RCAN2: variants seen among roughly 807,000 people sequenced by gnomAD.
The protein encoded by RCAN2 is calcipressin-2.
A neutral mutation model predicts 23.6 loss-of-function variants in RCAN2; 9 were observed. That is an observed-to-expected ratio of 0.38 (90% CI 0.23 to 0.67). RCAN2 has a LOEUF of 0.67. Among genes scored for constraint, RCAN2 ranks in the 30% least tolerant of loss-of-function variants. RCAN2 has a pLI of 0.51. For missense variants in RCAN2, 273 were observed against 302.3 expected, an observed-to-expected ratio of 0.90 and a Z score of 0.72; for synonymous variants, 109 against 115.7, an observed-to-expected ratio of 0.94 and a Z score of 0.37.
chr6:46,416,150 T>C (rs1366079017), intron 2 of RCAN2, among the ~76,000 whole-genome samples: 1 of 152,074 alleles, frequency 6.6e-6, no homozygotes, highest in Admixed American at 6.6e-5. Context: ...TAACTGTATA[T>C]GAATTATCTC....
intron 1 of RCAN2, among the ~76,000 whole-genome samples, chr6:46,469,386 A>C (rs1768488901): frequency 6.6e-6 from 1 of 152,248 alleles, no homozygotes; most frequent in Non-Finnish European, 1.5e-5. Flanking sequence ...AATTGGGACC[A>C]GTTCACCACA....
intron 3 of RCAN2, among the ~76,000 whole-genome samples, chr6:46,248,326 T>G (rs947522833): frequency 2.6e-5 from 4 of 152,224 alleles, no homozygotes; most frequent in Non-Finnish European, 5.9e-5. Context: ...ATAACCCTGA[T>G]AGGAAGGTTA....
rs9472734 is a variant in RCAN2 at position 46,295,348 on chromosome 6, G to A, written c.226-46452C>T. 3.0e-3 allele frequency among the ~76,000 whole-genome samples: 461 copies of A among 152,266 alleles called. 2 individuals carry two copies. Among genetic ancestry groups the A allele is most frequent in the African/African-American group, 0.01 (432 of 41,560 alleles). ...AAGCCACTTTGGTAGGAGAGACATA[G>A]AGATGAGCTGATGGCTCAGGACAGA... On this transcript the variant is annotated intron_variant, in intron 2 of 4. Coordinates refer to ENST00000371374, the MANE Select transcript of RCAN2 (RefSeq NM_001251974.2).
intron 2 of RCAN2, among the ~76,000 whole-genome samples, chr6:46,330,059 T>A (rs1763916321): frequency 6.6e-6 from 1 of 152,214 alleles, no homozygotes; most frequent in African/African-American, 2.4e-5. Flanking sequence ...ATCTGTTTTT[T>A]AAATGTTTAT....
intron 2 of RCAN2, among the ~76,000 whole-genome samples, chr6:46,420,301 C>T (rs1654513382): frequency 6.6e-6 from 1 of 152,004 alleles, no homozygotes; most frequent in South Asian, 2.1e-4. Flanking sequence ...CTACCGTGTG[C>T]AAGAGTCTTG....
At chr6:46,355,578 C>T (rs1224117066) in intron 2 of RCAN2, among the ~76,000 whole-genome samples, 1 of 152,214 alleles carries the variant, frequency 6.6e-6, no homozygotes, top group South Asian at 2.1e-4. Flanking sequence ...GCTTAAAATG[C>T]TTTGAAAAAC....
chr6:46,416,123 C>A (rs1185050901), intron 2 of RCAN2, among the ~76,000 whole-genome samples: 1 of 151,920 alleles, frequency 6.6e-6, no homozygotes, highest in East Asian at 1.9e-4. Context: ...GATTCAGAAC[C>A]CATGGATACT....
intron 4 of RCAN2, among the ~76,000 whole-genome samples, chr6:46,229,314 C>T (rs1249671010): frequency 6.6e-6 from 1 of 152,138 alleles, no homozygotes; most frequent in Non-Finnish European, 1.5e-5. Context: ...TGAATGTTGG[C>T]CTGACTTGCT....
chr6:46,307,050 C>A (rs1049940057), intron 2 of RCAN2, among the ~76,000 whole-genome samples: 1 of 152,090 alleles, frequency 6.6e-6, no homozygotes, highest in Non-Finnish European at 1.5e-5. Context: ...CCTCAAATGG[C>A]AATTTCTGTT....
intron 2 of RCAN2, among the ~76,000 whole-genome samples, chr6:46,437,507 A>T (rs1265216988): frequency 6.6e-6 from 1 of 152,188 alleles, no homozygotes; most frequent in Non-Finnish European, 1.5e-5. Flanking sequence ...AGTGCAGATA[A>T]TAAGGAAACT....
At chr6:46,352,861 T>G (rs1764705265) in intron 2 of RCAN2, among the ~76,000 whole-genome samples, 1 of 152,194 alleles carries the variant, frequency 6.6e-6, no homozygotes, top group Admixed American at 6.5e-5. Context: ...ATTTCTCATC[T>G]GAAACTGTAA....
intron 1 of RCAN2, among the ~76,000 whole-genome samples, chr6:46,484,817 A>G (rs1315473975): frequency 1.3e-5 from 2 of 152,172 alleles, no homozygotes; most frequent in Non-Finnish European, 2.9e-5. Context: ...TCAACTCCCT[A>G]AAAGAAAGCC....
At chr6:46,447,051 G>A (rs575558900) in intron 2 of RCAN2, among the ~76,000 whole-genome samples, 1 of 151,990 alleles carries the variant, frequency 6.6e-6, no homozygotes, top group African/African-American at 2.4e-5. Context: ...ATGACTGAAT[G>A]GCTGAAAGGG....
intron 1 of RCAN2, among the ~76,000 whole-genome samples, chr6:46,464,604 C>G (rs980059044): frequency 1.3e-5 from 2 of 152,262 alleles, no homozygotes; most frequent in Non-Finnish European, 2.9e-5. Flanking sequence ...AGGCTATGCT[C>G]CATAGAAACC....
intron 2 of RCAN2, among the ~76,000 whole-genome samples, chr6:46,287,279 T>C (rs1406509451): frequency 1.3e-5 from 2 of 152,170 alleles, no homozygotes; most frequent in Non-Finnish European, 2.9e-5. Context: ...GTGGCAGAAA[T>C]GGATTTTTGT....
intron 2 of RCAN2, among the ~76,000 whole-genome samples, chr6:46,253,653 T>C (rs1448880961): frequency 2.0e-5 from 3 of 152,214 alleles, no homozygotes; most frequent in African/African-American, 7.2e-5. Flanking sequence ...ATTTTCTTTT[T>C]CTGCTTTTTT....
chr6:46,321,401 CAT>C (rs1160869019), intron 2 of RCAN2, among the ~76,000 whole-genome samples: 9 of 152,242 alleles, frequency 5.9e-5, no homozygotes, highest in Non-Finnish European at 1.2e-4. Flanking sequence ...ATGCTCCACA[CAT>C]GTTTTTGAAT....
intron 2 of RCAN2, among the ~76,000 whole-genome samples, chr6:46,405,922 G>C (rs982550977): frequency 6.6e-6 from 1 of 152,222 alleles, no homozygotes; most frequent in African/African-American, 2.4e-5. Flanking sequence ...CGGGAAGGCA[G>C]CTAAGGCCTG....
At chr6:46,295,407 G>C (rs1221053295) in intron 2 of RCAN2, among the ~76,000 whole-genome samples, 1 of 152,128 alleles carries the variant, frequency 6.6e-6, no homozygotes, top group African/African-American at 2.4e-5. Flanking sequence ...GAAGGATGAA[G>C]AAAGAGAAGA....
Sources: allele counts gnomAD v4.1 joint callset (sites outside exome capture counted in the v4.1 genomes callset), GRCh38; gene constraint gnomAD v4.1.1; transcripts MANE v1.5; gene names NCBI Gene and HGNC (gene_info 2026-07-23, HGNC 2026-07-21).